The following FBXO5 variants were observed in gnomAD, a reference collection of about 807,000 sequenced individuals.
FBXO5 encodes F-box only protein 5.
FBXO5 carries 8 observed loss-of-function variants against 43.3 expected under a neutral mutation model. The ratio of observed to expected loss-of-function variants is 0.18; its 90% CI spans 0.11 to 0.33. The LOEUF (loss-of-function observed/expected upper bound fraction) is 0.33, where lower values mean the gene tolerates loss of function less well. Ranked by LOEUF, FBXO5 falls within the 10% of genes least tolerant of loss-of-function variation. The probability of loss-of-function intolerance (pLI) is 1.00; values close to 1 mark genes in which losing one functional copy is unlikely to be tolerated. For synonymous variants in FBXO5, 204 were observed against 193.7 expected (o/e 1.05, Z -0.44); for missense variants, 491 against 535.7 (o/e 0.92, Z 0.82).
intron 2 of FBXO5, 192 bp from the exon 3 acceptor site, chr6:152,973,328 G>T: frequency 1.9e-6 from 1 of 532,552 alleles, no homozygotes; most frequent in Non-Finnish European, 3.3e-6. Flanking sequence ...TTTTTAAAAA[G>T]CTCCCTCCTC....
Position 152,970,722 on chromosome 6 carries a change from G to T in FBXO5, c.*441C>A, listed in dbSNP as rs1413288232. 1 of 152,832 alleles carries T rather than the reference G, an allele frequency of 6.5e-6. No homozygotes were observed. Among genetic ancestry groups the T allele is most frequent in the Non-Finnish European group, 1.5e-5 (1 of 68,450 alleles). The allele number at this position is 152,832 out of a possible 1,614,324, so 9.5% of individuals were successfully genotyped here. On this transcript the variant is annotated 3_prime_UTR_variant, in exon 5 of 5. Transcript: ENST00000229758. ...ACACAATGAAAAAAAGCTTTAGAAA[G>T]GTGACAACACATTTAATAGACTCCA...
intron 1 of FBXO5, among the ~76,000 whole-genome samples, chr6:152,982,287 G>T (rs966936139): frequency 6.6e-6 from 1 of 152,164 alleles, no homozygotes; most frequent in African/African-American, 2.4e-5. Context: ...GGGACACGCG[G>T]AGGAGGCGGG....
chr6:152,976,288 C>T (rs555069526), intron 1 of FBXO5, among the ~76,000 whole-genome samples: 14 of 152,162 alleles, frequency 9.2e-5, no homozygotes, highest in Non-Finnish European at 1.8e-4. Flanking sequence ...GAGAAAAGAA[C>T]TAATAACACA....
intron 2 of FBXO5, 98 bp from the exon 3 acceptor site, chr6:152,973,234 A>G (rs1778114263): frequency 1.1e-6 from 1 of 943,438 alleles, no homozygotes; most frequent in Non-Finnish European, 1.6e-6. Flanking sequence ...AAGATATTTT[A>G]TATTATTAGT....
chr6:152,971,745 A>C (rs79939932), intron 4 of FBXO5, among the ~76,000 whole-genome samples: 73 of 152,342 alleles, frequency 4.8e-4, no homozygotes, highest in African/African-American at 1.7e-3. Context: ...TTAAGCTTGC[A>C]AAGTTATCTA....
chr6:152,973,201 T>A, intron 2 of FBXO5, 65 bp from the exon 3 acceptor site: 4 of 1,265,632 alleles, frequency 3.2e-6, no homozygotes, highest in Non-Finnish European at 4.6e-6. Flanking sequence ...ATGAATACAG[T>A]AGAAAAACAT....
intron 1 of FBXO5, among the ~76,000 whole-genome samples, chr6:152,979,672 G>C (rs1778232080): frequency 6.6e-6 from 1 of 152,142 alleles, no homozygotes; most frequent in African/African-American, 2.4e-5. Context: ...ATTTATATCA[G>C]TATAAACTCA....
intron 1 of FBXO5, among the ~76,000 whole-genome samples, chr6:152,978,792 G>C (rs1778216303): frequency 6.6e-6 from 1 of 151,996 alleles, no homozygotes; most frequent in Admixed American, 6.6e-5. Flanking sequence ...GTTCAGACCA[G>C]TCTGGGCAAC....
chr6:152,971,242 C>A lies in FBXO5; in HGVS notation c.1265G>T (p.Gly422Val). ...NYHTTKDCSD[G>V]KLLKASCKIG... ...TTTACAACTGGCTTTGAGGAGCTTG[C>A]CATCTGAACAGTCTTTAGTAGTATG... Residue 422 changes from glycine (G) to valine (V), a missense_variant, in exon 5 of 5, where the codon GGC (glycine) becomes GTC (valine). Transcript: ENST00000229758. 1 of 1,613,892 alleles carries A rather than the reference C, an allele frequency of 6.2e-7. No homozygotes were observed. Among genetic ancestry groups the A allele is most frequent in the South Asian group, 1.1e-5 (1 of 91,050 alleles).
chr6:152,971,429 A>G lies in FBXO5; in HGVS notation c.1093-15T>C. The G allele has an allele frequency of 6.3e-7, 1 of 1,576,512 alleles. No individual in the cohort carries two copies. Among genetic ancestry groups the G allele is most frequent in the Non-Finnish European group, 8.6e-7 (1 of 1,167,964 alleles). ...GTCTTGGCAACCTAAAAAGAAAAAAAAAACCCATTAACAAATTTCAGCAAG... is the reference window on the plus strand; with the variant it reads ...GTCTTGGCAACCTAAAAAGAAAAAAGAAACCCATTAACAAATTTCAGCAAG... On this transcript the variant is annotated splice_polypyrimidine_tract_variant and intron_variant, in intron 4 of 4. Coordinates refer to ENST00000229758, the MANE Select transcript of FBXO5 (RefSeq NM_012177.5).
At chr6:152,975,938 A>G (rs1220972149) in intron 1 of FBXO5, among the ~76,000 whole-genome samples, 1 of 152,218 alleles carries the variant, frequency 6.6e-6, no homozygotes, top group Non-Finnish European at 1.5e-5. Flanking sequence ...AAAATAGTGG[A>G]AAAAGGGGCT....
Position 152,982,861 on chromosome 6 carries a change from C to A in FBXO5, c.99G>T (p.Ser33=). The A allele has an allele frequency of 6.6e-7, 1 of 1,508,398 alleles. No homozygotes were observed. Among genetic ancestry groups the A allele is most frequent in the Non-Finnish European group, 8.8e-7 (1 of 1,135,124 alleles). The allele number at this position is 1,508,398 out of a possible 1,614,324, so 93.4% of individuals were successfully genotyped here. Residue 33 remains serine, a synonymous_variant, in exon 1 of 5, where the codon TCG becomes TCT. Coordinates refer to ENST00000229758, the MANE Select transcript of FBXO5 (RefSeq NM_012177.5). ...AVTAAGRPRP[S]DSCKEESSTL... is the part of the protein sequence containing the mutation. ...GCGACCGCTCCCCTCACTCACTATC[C>A]GAGGGTCGAGGGCGCCCGGCGGCTG... is the stretch of plus-strand genomic sequence containing the variant.
At position 152,975,008 on chromosome 6, in the gene FBXO5, C is replaced by T. The variant is rs779964165; in HGVS notation, c.717G>A (p.Met239Ile). 1.9e-6 allele frequency: 3 copies of T among 1,614,140 alleles called. No individual in the cohort carries two copies. Among genetic ancestry groups the T allele is most frequent in the South Asian group, 1.1e-5 (1 of 91,078 alleles). ...TGAGAATATCTACACATTCTAGGCC[C>T]ATTTTTCTGCCAATTATATTCTGCA... Reference protein sequence around the residue: ...FRLQNIIGRKMGLECVDILSE... With the variant: ...FRLQNIIGRKIGLECVDILSE... Residue 239 changes from methionine (M) to isoleucine (I), a missense_variant, in exon 2 of 5, where the codon ATG becomes ATA. Met to Ile is a conservative substitution (Grantham distance 10, BLOSUM62 1). Coordinates refer to ENST00000229758, the MANE Select transcript of FBXO5 (RefSeq NM_012177.5).
chr6:152,983,217 G>A, upstream of FBXO5: 1 of 371,942 alleles, frequency 2.7e-6, no homozygotes. Flanking sequence ...GCGAAGCCCA[G>A]CCCCCTTCCA....
chr6:152,973,235 T>C (rs1422408358), intron 2 of FBXO5, 99 bp from the exon 3 acceptor site: 13 of 932,464 alleles, frequency 1.4e-5, no homozygotes, highest in Non-Finnish European at 2.2e-5. Context: ...AGATATTTTA[T>C]ATTATTAGTG....
intron 1 of FBXO5, among the ~76,000 whole-genome samples, chr6:152,980,023 T>C (rs1046084992): frequency 6.6e-6 from 1 of 152,140 alleles, no homozygotes; most frequent in East Asian, 1.9e-4. Flanking sequence ...GCAGAAGAAA[T>C]AGAATAGCAT....
chr6:152,980,716 A>C (rs1778247326), intron 1 of FBXO5, among the ~76,000 whole-genome samples: 1 of 152,184 alleles, frequency 6.6e-6, no homozygotes, highest in Admixed American at 6.5e-5. Context: ...TAGAAGGGTA[A>C]AGTCAACTTG....
chr6:152,983,571 A>G (rs1404511357), upstream of FBXO5: 2 of 152,188 alleles, frequency 1.3e-5, no homozygotes, highest in South Asian at 2.1e-4. Flanking sequence ...CCGCCTCTCT[A>G]GGATTTACGC....
chr6:152,971,498 C>A, intron 4 of FBXO5, 84 bp from the exon 5 acceptor site: 1 of 1,362,084 alleles, frequency 7.3e-7, no homozygotes, highest in Non-Finnish European at 1.0e-6. Context: ...CACCCTTGCA[C>A]CTTCCCCAAT....
Sources: gnomAD v4.1 joint callset for allele counts (sites outside exome capture counted in the v4.1 genomes callset) on GRCh38, gnomAD v4.1.1 for gene constraint, MANE v1.5 for transcripts, NCBI Gene and HGNC (gene_info 2026-07-23, HGNC 2026-07-21) for gene names.